The following TRAF1 variants were observed in gnomAD, a reference collection of about 807,000 sequenced individuals.
TRAF1 encodes TNF receptor-associated factor 1.
TRAF1 carries 23 observed loss-of-function variants against 40.9 expected under a neutral mutation model. That is an observed-to-expected ratio of 0.56 (90% CI 0.40 to 0.80). The LOEUF (loss-of-function observed/expected upper bound fraction) is 0.80, where lower values mean the gene tolerates loss of function less well. Ranked by LOEUF, TRAF1 falls within the 30% of genes least tolerant of loss-of-function variation. TRAF1 has a pLI of 0.00. For synonymous variants in TRAF1, 206 were observed against 218.8 expected (o/e 0.94, Z 0.52); for missense variants, 477 against 528.7 (o/e 0.90, Z 0.96).
chr9:120,916,864 A>G (rs1285139521), intron 3 of TRAF1, among the ~76,000 whole-genome samples: 1 of 152,230 alleles, frequency 6.6e-6, no homozygotes, highest in Non-Finnish European at 1.5e-5. Flanking sequence ...ATGTGAGAAC[A>G]GTGGAGGGAA....
rs951580835 is a variant in TRAF1, at chr9:120,902,526, T to C, written c.*2494A>G. On this transcript the variant is annotated 3_prime_UTR_variant, in exon 8 of 8. Coordinates refer to ENST00000373887, the MANE Select transcript of TRAF1 (RefSeq NM_005658.5). ...GGGCGGGGGGTGGGGGGGGGGGCGG[T>C]GGGCACTGCTGCATCTGATGCTGTC... The C allele has an allele frequency of 3.2e-5, 1 of 31,348 alleles. No individual in the cohort carries two copies. The highest frequency in any genetic ancestry group is 7.1e-5 in the Non-Finnish European group (1 of 14,008). The allele number at this position is 31,348 out of a possible 1,614,324, so 1.9% of individuals were successfully genotyped here. A position where few individuals can be genotyped will look rare whatever the true frequency, so the allele number is the denominator to read the frequency against.
chr9:120,913,176 C>T, intron 5 of TRAF1, 152 bp downstream of exon 5: 2 of 1,025,438 alleles, frequency 2.0e-6, no homozygotes, highest in East Asian at 2.6e-5. Context: ...ACTCAGCGCT[C>T]TTCCTGGAAG....
intron 6 of TRAF1, 151 bp from the exon 7 acceptor site, chr9:120,909,529 C>G (rs2046510237): frequency 2.3e-6 from 2 of 883,734 alleles, no homozygotes; most frequent in Non-Finnish European, 1.7e-6. Context: ...GGGTGTCAGA[C>G]AGGAATGGGC....
intron 3 of TRAF1, among the ~76,000 whole-genome samples, chr9:120,919,380 G>A (rs932278250): frequency 2.0e-5 from 3 of 152,214 alleles, no homozygotes; most frequent in African/African-American, 7.2e-5. Flanking sequence ...GCCCTTTGTG[G>A]TGGGGTCACA....
chr9:120,925,821 C>A, intron 2 of TRAF1, 115 bp downstream of exon 2: 1 of 1,456,696 alleles, frequency 6.9e-7, no homozygotes, highest in Non-Finnish European at 9.4e-7. Context: ...AAACTGAGGC[C>A]CAGAGAAGAA....
At position 120,913,538 on chromosome 9, in the gene TRAF1, G is replaced by A; in HGVS notation, c.495C>T (p.Tyr165=). ...EVAGDLEVDC[Y]RAPCSESQEE... ...CCTGGCTCTCGGAGCAGGGTGCCCGGTAGCAATCGACCTCCAGGTCCCCCG... is the reference window on the plus strand; with the variant it reads ...CCTGGCTCTCGGAGCAGGGTGCCCGATAGCAATCGACCTCCAGGTCCCCCG... The change falls in exon 5 of 8, where the codon TAC becomes TAT. Residue 165 remains tyrosine (Y), a synonymous_variant. Transcript: ENST00000373887. 1 of 1,613,766 alleles carries A rather than the reference G, an allele frequency of 6.2e-7. No individual in the cohort carries two copies. Among genetic ancestry groups the A allele is most frequent in the South Asian group, 1.1e-5 (1 of 91,058 alleles).
Position 120,904,609 on chromosome 9 carries a change from A to C in TRAF1, c.*411T>G. The C allele has an allele frequency of 5.0e-6, 1 of 201,006 alleles. No individual in the cohort carries two copies. Among genetic ancestry groups the C allele is most frequent in the Non-Finnish European group, 1.0e-5 (1 of 97,106 alleles). The allele number at this position is 201,006 out of a possible 1,614,324, so 12.5% of individuals were successfully genotyped here. On this transcript the variant is annotated 3_prime_UTR_variant, in exon 8 of 8. Coordinates refer to ENST00000373887, the MANE Select transcript of TRAF1 (RefSeq NM_005658.5). ...TTCTGACCCTGGAGAAAAAGAGAGCAGGCCTGTGTCCAGGTCTCCCTGGCG... is the reference window on the plus strand; with the variant it reads ...TTCTGACCCTGGAGAAAAAGAGAGCCGGCCTGTGTCCAGGTCTCCCTGGCG...
At position 120,913,613 on chromosome 9, in the gene TRAF1, G is replaced by A. The variant is rs745346442; in HGVS notation, c.420C>T (p.Ala140=). Residue 140 remains alanine (A), a synonymous_variant, in exon 5 of 8, where the codon GCC becomes GCT. Coordinates refer to ENST00000373887, the MANE Select transcript of TRAF1 (RefSeq NM_005658.5). ...LGCGLESGPM[A]LEQNLSDLQL... ...GCAGGTCTGACAGGTTCTGCTCCAG[G>A]GCCATGGGCCCAGACTCCAGGCCAC... is the stretch of plus-strand genomic sequence containing the variant. 24 of 1,613,662 alleles carry A rather than the reference G, an allele frequency of 1.5e-5. No homozygotes were observed. The East Asian group carries it at 3.8e-4, about 25-fold the overall frequency.
chr9:120,914,397 G>A, intron 3 of TRAF1, 97 bp from the exon 4 acceptor site: 1 of 1,282,230 alleles, frequency 7.8e-7, no homozygotes. Flanking sequence ...GCAGGAGATG[G>A]CTTGGGCCAC....
intron 5 of TRAF1, among the ~76,000 whole-genome samples, chr9:120,912,965 G>C (rs888209426): frequency 7.9e-5 from 12 of 152,216 alleles, no homozygotes; most frequent in Non-Finnish European, 1.6e-4. Context: ...GATTTGTCTT[G>C]TGGGCTCTGA....
intron 3 of TRAF1, among the ~76,000 whole-genome samples, chr9:120,920,205 C>T (rs1588152445): frequency 6.6e-6 from 1 of 152,180 alleles, no homozygotes; most frequent in Non-Finnish European, 1.5e-5. Flanking sequence ...GGAGGCAGGA[C>T]TGACTCCAGG....
chr9:120,909,898 G>A (rs535873855), intron 6 of TRAF1, among the ~76,000 whole-genome samples: 1 of 152,138 alleles, frequency 6.6e-6, no homozygotes, highest in Non-Finnish European at 1.5e-5. Context: ...TGGAGGCTGA[G>A]GGTACATGGG....
At chr9:120,905,259 G>A (rs375714490) in intron 7 of TRAF1, 21 bp from the exon 8 acceptor site, 10 of 1,586,014 alleles carry the variant, frequency 6.3e-6, no homozygotes, top group Non-Finnish European at 7.7e-6. Context: ...GGGATAGGTG[G>A]GAGATCAGGC....
chr9:120,918,104 T>C (rs767964293), intron 3 of TRAF1, among the ~76,000 whole-genome samples: 87 of 152,194 alleles, frequency 5.7e-4, no homozygotes, highest in Admixed American at 2.7e-3. Context: ...GGAAACCAAC[T>C]CGCCAATACC....
chr9:120,921,453 A>G (rs1005810242), intron 3 of TRAF1, among the ~76,000 whole-genome samples: 2 of 152,192 alleles, frequency 1.3e-5, no homozygotes, highest in Admixed American at 1.3e-4. Context: ...GATTTACACA[A>G]TAAATGTGTA....
rs1399007056 is a variant in TRAF1 at position 120,926,222 on chromosome 9, C to T, written c.-147G>A. 12 of 867,800 alleles carry T rather than the reference C, an allele frequency of 1.4e-5. No individual in the cohort carries two copies. The highest frequency in any genetic ancestry group is 2.2e-5 in the South Asian group (1 of 44,894). The allele number at this position is 867,800 out of a possible 1,614,324, so 53.8% of individuals were successfully genotyped here. On this transcript the variant is annotated 5_prime_UTR_variant, in exon 2 of 8. Transcript: ENST00000373887. ...CTTCTCTCTGGCTTGTGTGGTTCAA[C>T]GTCACAGCTGAGTCACAGCAGGGAT...
At chr9:120,906,389 G>A (rs113727801) in intron 7 of TRAF1, among the ~76,000 whole-genome samples, 8,914 of 152,152 alleles carry the variant, frequency 0.059, 333 homozygotes, top group Non-Finnish European at 0.073. Flanking sequence ...ATGTTGGTCA[G>A]GCTGATCTTG....
chr9:120,917,836 G>A (rs528351447), intron 3 of TRAF1, among the ~76,000 whole-genome samples: 10 of 151,930 alleles, frequency 6.6e-5, no homozygotes, highest in South Asian at 2.1e-4. Context: ...TCATTTAATC[G>A]TGTCTGCAGA....
chr9:120,904,714 T>G lies in TRAF1; in HGVS notation c.*306A>C. 1.3e-5 allele frequency: 5 copies of G among 381,334 alleles called. No homozygotes were observed. Among genetic ancestry groups the G allele is most frequent in the Non-Finnish European group, 1.5e-5 (3 of 205,226 alleles). The allele number at this position is 381,334 out of a possible 1,614,324, so 23.6% of individuals were successfully genotyped here. ...CAAGCCTGGTTCCATTTTCTTCTCA[T>G]TTGGTGAGAGTCCACCTCAACATTC... On this transcript the variant is annotated 3_prime_UTR_variant, in exon 8 of 8. Transcript: ENST00000373887.
Sources: gnomAD v4.1 joint callset for allele counts (sites outside exome capture counted in the v4.1 genomes callset) on GRCh38, gnomAD v4.1.1 for gene constraint, MANE v1.5 for transcripts, NCBI Gene and HGNC (gene_info 2026-07-23, HGNC 2026-07-21) for gene names.